PHACTR4: variants seen among roughly 807,000 people sequenced by gnomAD.
The protein encoded by PHACTR4 is protein phosphatase 1, regulatory subunit 124.
PHACTR4 carries 51 observed loss-of-function variants against 72.7 expected under a neutral mutation model. The observed-to-expected ratio is 0.70, with a 90% CI of 0.56 to 0.89. PHACTR4 has a LOEUF of 0.89. PHACTR4 is among the 40% of genes least tolerant of loss of function. The pLI is 0.00. For synonymous variants in PHACTR4, 255 were observed against 302.5 expected (o/e 0.84, Z 1.63); for missense variants, 731 against 861.8 (o/e 0.85, Z 1.90).
chr1:28,458,093 TTATGGTGTGTGTGTTTGTGTGTGTG>T (rs1232835225), intron 2 of PHACTR4, among the ~76,000 whole-genome samples: 8 of 148,712 alleles, frequency 5.4e-5, no homozygotes, highest in African/African-American at 2.0e-4. Context: ...ATCCTTAATA[TTATGGTGTGTGTGTTTGTGTGTGTG>T]TGTGTGTGTG....
intron 1 of PHACTR4, among the ~76,000 whole-genome samples, chr1:28,406,444 A>G (rs1339512738): frequency 1.3e-5 from 2 of 152,332 alleles, no homozygotes; most frequent in Non-Finnish European, 2.9e-5. Context: ...AAAAAAGCCA[A>G]GGTCCTAAAG....
intron 2 of PHACTR4, among the ~76,000 whole-genome samples, chr1:28,417,657 T>A (rs1655188755): frequency 6.6e-6 from 1 of 152,144 alleles, no homozygotes; most frequent in African/African-American, 2.4e-5. Context: ...TTTCTAGAAA[T>A]TTTCCATATT....
intron 10 of PHACTR4, among the ~76,000 whole-genome samples, chr1:28,490,404 C>T (rs1211700098): frequency 2.0e-5 from 3 of 151,760 alleles, no homozygotes; most frequent in Non-Finnish European, 2.9e-5. Context: ...TGGTGGCGGG[C>T]GCCTGTAGTC....
At chr1:28,416,789 A>C (rs998060490) in intron 2 of PHACTR4, among the ~76,000 whole-genome samples, 1 of 152,128 alleles carries the variant, frequency 6.6e-6, no homozygotes, top group Non-Finnish European at 1.5e-5. Context: ...TGGCTTGTCT[A>C]TTTGCTTTCA....
chr1:28,453,443 C>T (rs1039638380), intron 2 of PHACTR4: 8 of 300,404 alleles, frequency 2.7e-5, no homozygotes, highest in Admixed American at 9.9e-5. Flanking sequence ...AAAGTTGAAT[C>T]GCCTGATGTG....
chr1:28,471,055 TTAGC>T, intron 6 of PHACTR4, among the ~76,000 whole-genome samples: 1 of 148,600 alleles, frequency 6.7e-6, no homozygotes, highest in East Asian at 2.0e-4. Context: ...AATTATAAAA[TTAGC>T]TAGCCTTGGC....
At chr1:28,491,483 A>G (rs1455020550) in intron 11 of PHACTR4, among the ~76,000 whole-genome samples, 167 bp from the exon 12 acceptor site, 1 of 151,540 alleles carries the variant, frequency 6.6e-6, no homozygotes, top group African/African-American at 2.4e-5. Flanking sequence ...ACAAAAAACC[A>G]CCTGATAACC....
intron 4 of PHACTR4, among the ~76,000 whole-genome samples, chr1:28,461,344 G>A (rs1658794732): frequency 6.6e-6 from 1 of 152,098 alleles, no homozygotes; most frequent in East Asian, 1.9e-4. Flanking sequence ...GGGAGGCTGA[G>A]GCAGGAGAAT....
intron 2 of PHACTR4, among the ~76,000 whole-genome samples, chr1:28,442,548 C>G (rs912566655): frequency 2.3e-4 from 35 of 151,944 alleles, no homozygotes; most frequent in African/African-American, 8.5e-4. Flanking sequence ...ACTCTGTCAC[C>G]CAAGTTGGAG....
chr1:28,457,959 T>G, intron 2 of PHACTR4: 1 of 715,412 alleles, frequency 1.4e-6, no homozygotes. Context: ...GGCCCCGCCT[T>G]GGCTCTCCTT....
Position 28,496,643 on chromosome 1 carries a change from C to A in PHACTR4, c.*94C>A. 3.6e-6 allele frequency: 5 copies of A among 1,404,288 alleles called. No individual in the cohort carries two copies. The highest frequency in any genetic ancestry group is 5.0e-6 in the Non-Finnish European group (5 of 995,816). The allele number at this position is 1,404,288 out of a possible 1,614,324, so 87.0% of individuals were successfully genotyped here. On this transcript the variant is annotated 3_prime_UTR_variant, in exon 14 of 14. Coordinates refer to ENST00000373839, the MANE Select transcript of PHACTR4 (RefSeq NM_001048183.3). ...GGAACTTTAGCACTTCCCAGCACAG[C>A]CAGAATTGCATCCTCTGGGATCTTC...
At chr1:28,461,062 T>C (rs1041547511) in intron 4 of PHACTR4, among the ~76,000 whole-genome samples, 4 of 152,240 alleles carry the variant, frequency 2.6e-5, no homozygotes, top group Non-Finnish European at 2.9e-5. Flanking sequence ...AAGCAAGTTA[T>C]TGCAAATGTG....
intron 13 of PHACTR4, among the ~76,000 whole-genome samples, chr1:28,493,789 A>C (rs905671871): frequency 6.6e-6 from 1 of 152,118 alleles, no homozygotes; most frequent in African/African-American, 2.4e-5. Context: ...TCAGGTTATA[A>C]ATGAGGAGAC....
At chr1:28,450,506 T>C (rs1007462993) in intron 2 of PHACTR4, among the ~76,000 whole-genome samples, 1 of 152,188 alleles carries the variant, frequency 6.6e-6, no homozygotes, top group African/African-American at 2.4e-5. Flanking sequence ...CAGGCCCATC[T>C]TTCTTAGTCC....
intron 2 of PHACTR4, among the ~76,000 whole-genome samples, chr1:28,445,944 C>T (rs546163871): frequency 4.1e-4 from 63 of 151,954 alleles, no homozygotes; most frequent in Non-Finnish European, 7.9e-4. Context: ...GAGGCAAAAT[C>T]CTAAGGAGAT....
chr1:28,378,054 G>C (rs1391653677), intron 1 of PHACTR4, among the ~76,000 whole-genome samples: 1 of 150,090 alleles, frequency 6.7e-6, no homozygotes, highest in East Asian at 2.0e-4. Flanking sequence ...AAAATTATCC[G>C]GGCATGGTGG....
chr1:28,427,522 T>C (rs1163807990), intron 2 of PHACTR4, among the ~76,000 whole-genome samples: 1 of 151,946 alleles, frequency 6.6e-6, no homozygotes, highest in African/African-American at 2.4e-5. Context: ...CGAGACCCTG[T>C]CTCAAAATAA....
chr1:28,424,401 C>A (rs1655702273), intron 2 of PHACTR4, among the ~76,000 whole-genome samples: 1 of 152,152 alleles, frequency 6.6e-6, no homozygotes, highest in South Asian at 2.1e-4. Flanking sequence ...AAGCAATCTT[C>A]CCACTTCAGC....
intron 9 of PHACTR4, among the ~76,000 whole-genome samples, chr1:28,481,152 T>C (rs1660256409): frequency 6.6e-6 from 1 of 152,054 alleles, no homozygotes. Flanking sequence ...CCTCAGCCTC[T>C]TGACTAGCTG....
Sources: allele counts gnomAD v4.1 joint callset (sites outside exome capture counted in the v4.1 genomes callset), GRCh38; gene constraint gnomAD v4.1.1; transcripts MANE v1.5; gene names NCBI Gene and HGNC (gene_info 2026-07-23, HGNC 2026-07-21).